The following ZFHX3 variants were observed in gnomAD, a reference collection of about 807,000 sequenced individuals.
ZFHX3 encodes the protein zinc finger homeobox 3.
ZFHX3 carries 42 observed loss-of-function variants against 279.1 expected under a neutral mutation model. That is an observed-to-expected ratio of 0.15 (90% CI 0.12 to 0.19). ZFHX3 has a LOEUF of 0.19. ZFHX3 is among the 10% of genes least tolerant of loss of function. The pLI is 1.00. For synonymous variants in ZFHX3, 2,293 were observed against 1,957.8 expected (o/e 1.17, Z -4.52); for missense variants, 4,981 against 4,754.0 (o/e 1.05, Z -1.40).
At chr16:73,546,983 T>G (rs2143763101) in intron 2 of ZFHX3, among the ~76,000 whole-genome samples, 1 of 152,136 alleles carries the variant, frequency 6.6e-6, no homozygotes, top group Non-Finnish European at 1.5e-5. Flanking sequence ...AGGCAGAGAA[T>G]ATAACCACAT....
At chr16:73,234,418 TG>T (rs1409504206) in intron 5 of ZFHX3, among the ~76,000 whole-genome samples, 1 of 152,198 alleles carries the variant, frequency 6.6e-6, no homozygotes, top group African/African-American at 2.4e-5. Context: ...TTTTTGTGTT[TG>T]TTTTTTTGTT....
intron 3 of ZFHX3, among the ~76,000 whole-genome samples, chr16:73,416,285 C>A (rs1249626066): frequency 6.6e-5 from 10 of 152,080 alleles, no homozygotes; most frequent in Non-Finnish European, 1.5e-4. Context: ...CCTCTTCTTT[C>A]CCACTTCTGA....
intron 7 of ZFHX3, among the ~76,000 whole-genome samples, chr16:73,094,256 A>G (rs1050372865): frequency 2.6e-5 from 4 of 152,188 alleles, no homozygotes; most frequent in African/African-American, 9.7e-5. Flanking sequence ...AGTTCACCCA[A>G]TTAATTCCTA....
chr16:73,783,762 T>G (rs138622603), intron 1 of ZFHX3, among the ~76,000 whole-genome samples: 1 of 152,344 alleles, frequency 6.6e-6, no homozygotes, highest in East Asian at 1.9e-4. Flanking sequence ...TCTGATGAGA[T>G]AGTTACTACT....
chr16:72,901,284 G>C (rs757011706), intron 3 of ZFHX3, among the ~76,000 whole-genome samples: 2 of 152,176 alleles, frequency 1.3e-5, no homozygotes, highest in Non-Finnish European at 2.9e-5. Context: ...AAATGCGAGA[G>C]GAAAATGCTC....
At chr16:73,274,586 G>A (rs2014241541) in intron 4 of ZFHX3, among the ~76,000 whole-genome samples, 1 of 152,156 alleles carries the variant, frequency 6.6e-6, no homozygotes, top group Admixed American at 6.6e-5. Flanking sequence ...TATTTATTAA[G>A]TAATTCATCT....
chr16:72,835,577 T>A (rs1329211994), intron 4 of ZFHX3, among the ~76,000 whole-genome samples: 1 of 152,138 alleles, frequency 6.6e-6, no homozygotes, highest in African/African-American at 2.4e-5. Flanking sequence ...TTTCTCCATT[T>A]TCAACCTAAT....
At chr16:73,769,409 A>G (rs1597106161) in intron 1 of ZFHX3, among the ~76,000 whole-genome samples, 1 of 152,188 alleles carries the variant, frequency 6.6e-6, no homozygotes, top group South Asian at 2.1e-4. Context: ...ATGACATTTC[A>G]TAATAGTGTT....
At chr16:73,419,908 A>ATT (rs201045234) in intron 3 of ZFHX3, among the ~76,000 whole-genome samples, 6 of 145,738 alleles carry the variant, frequency 4.1e-5, no homozygotes, top group African/African-American at 1.0e-4. Flanking sequence ...TAGATAGATA[A>ATT]TTTTTTTTTT....
rs118058381 is a variant in ZFHX3 at position 73,881,061 on chromosome 16, C to T, written c.-1608+10590G>A. ...CATCCGCTCTTCAAATATGCAGTCC[C>T]TGGTAGCACCTTCTATAAGACTGGT... On this transcript the variant is annotated intron_variant, in intron 1 of 17. Transcript: ENST00000641206. Among the ~76,000 whole-genome samples the T allele has an allele frequency of 7.8e-4, 119 of 152,250 alleles. 4 individuals are homozygous for T. The East Asian group carries it at 0.02, about 25-fold the overall frequency.
chr16:73,129,407 C>T (rs1966632960), intron 7 of ZFHX3, among the ~76,000 whole-genome samples: 1 of 151,458 alleles, frequency 6.6e-6, no homozygotes. Flanking sequence ...CACACACACA[C>T]ACACACAGAA....
At chr16:73,615,244 C>A (rs776554012) in intron 2 of ZFHX3, among the ~76,000 whole-genome samples, 6 of 151,852 alleles carry the variant, frequency 4.0e-5, no homozygotes, top group Non-Finnish European at 7.4e-5. Context: ...ATGAACCATG[C>A]ATGTCCCGAG....
chr16:73,872,348 C>A (rs1450410351), intron 1 of ZFHX3, among the ~76,000 whole-genome samples: 2 of 152,064 alleles, frequency 1.3e-5, no homozygotes, highest in Non-Finnish European at 2.9e-5. Context: ...CTCTTAGCCT[C>A]CCCAGTAGCT....
chr16:73,078,834 C>T (rs769501886), intron 8 of ZFHX3, among the ~76,000 whole-genome samples: 5 of 151,788 alleles, frequency 3.3e-5, no homozygotes, highest in Admixed American at 6.6e-5. Flanking sequence ...TTAGTAGAGA[C>T]GGGGTTTCAC....
At chr16:73,367,346 T>C (rs2016547133) in intron 3 of ZFHX3, among the ~76,000 whole-genome samples, 1 of 152,046 alleles carries the variant, frequency 6.6e-6, no homozygotes, top group South Asian at 2.1e-4. Flanking sequence ...GTGGCACACT[T>C]CACAGCGTGG....
Position 72,949,123 on chromosome 16 carries a change from A to G in ZFHX3, c.3216+1346T>C, listed in dbSNP as rs550094232. Among the ~76,000 whole-genome samples the G allele has an allele frequency of 5.9e-5, 9 of 152,324 alleles. 1 individual carries two copies. In the South Asian group the frequency reaches 1.9e-3, roughly 32 times the overall value. ...GTTATGCAGGCCTCCCCACATCCTG[A>G]GAAGGAACAACTATAAAATGAAGTA... On this transcript the variant is annotated intron_variant, in intron 3 of 9. Coordinates refer to ENST00000268489, the MANE Select transcript of ZFHX3 (RefSeq NM_006885.4).
chr16:73,190,222 C>T (rs906805644), intron 5 of ZFHX3, among the ~76,000 whole-genome samples: 1 of 152,230 alleles, frequency 6.6e-6, no homozygotes, highest in Non-Finnish European at 1.5e-5. Context: ...TATTACACAG[C>T]TGGTGAATTC....
chr16:73,070,801 C>G (rs1444108329), intron 8 of ZFHX3, among the ~76,000 whole-genome samples: 1 of 151,766 alleles, frequency 6.6e-6, no homozygotes, highest in Non-Finnish European at 1.5e-5. Flanking sequence ...CTCTCTCCAG[C>G]GCCCGGTCCC....
chr16:72,896,088 A>G (rs926379017), intron 3 of ZFHX3, among the ~76,000 whole-genome samples: 4 of 152,170 alleles, frequency 2.6e-5, no homozygotes, highest in African/African-American at 7.2e-5. Flanking sequence ...AAAGAACCCA[A>G]CGATCTCCAA....
Sources: allele counts gnomAD v4.1 joint callset (sites outside exome capture counted in the v4.1 genomes callset), GRCh38; gene constraint gnomAD v4.1.1; transcripts MANE v1.5; gene names NCBI Gene and HGNC (gene_info 2026-07-23, HGNC 2026-07-21).